Variants in WNT3 observed in about 807,000 individuals in gnomAD.
The protein encoded by WNT3 is Wnt family member 3.
WNT3 carries 7 observed loss-of-function variants against 34.2 expected under a neutral mutation model. That is an observed-to-expected ratio of 0.20 (90% CI 0.12 to 0.38). The LOEUF (loss-of-function observed/expected upper bound fraction) is 0.38. WNT3 is among the 10% of genes least tolerant of loss of function. The pLI, the probability that WNT3 is intolerant of heterozygous loss-of-function variation, is 1.00. For missense variants in WNT3, 267 were observed against 499.8 expected (o/e 0.53, Z 4.44); for synonymous variants, 212 against 211.5 (o/e 1.00, Z -0.02).
chr17:46,807,201 G>C, intron 1 of WNT3, among the ~76,000 whole-genome samples: 1 of 152,200 alleles, frequency 6.6e-6, no homozygotes, highest in East Asian at 1.9e-4. Flanking sequence ...ACAGAAAGAA[G>C]GCCGGGCCTG....
At chr17:46,774,731 A>G (rs1316666739) in intron 1 of WNT3, among the ~76,000 whole-genome samples, 1 of 152,222 alleles carries the variant, frequency 6.6e-6, no homozygotes, top group African/African-American at 2.4e-5. Context: ...AACAGAAAGA[A>G]TGACCTTATG....
intron 2 of WNT3, among the ~76,000 whole-genome samples, chr17:46,771,373 A>G (rs1008071964): frequency 6.6e-6 from 1 of 151,432 alleles, no homozygotes; most frequent in Non-Finnish European, 1.5e-5. Context: ...GCCTCGGGGA[A>G]GAGGGGCCGA....
intron 1 of WNT3, among the ~76,000 whole-genome samples, chr17:46,785,314 C>T (rs929815554): frequency 1.3e-5 from 2 of 152,174 alleles, no homozygotes; most frequent in African/African-American, 4.8e-5. Context: ...GGACCTGTCA[C>T]CCTGCATTGT....
intron 1 of WNT3, among the ~76,000 whole-genome samples, chr17:46,812,760 G>C (rs1302580064): frequency 6.6e-6 from 1 of 152,214 alleles, no homozygotes; most frequent in East Asian, 1.9e-4. Flanking sequence ...AAATCTGGGA[G>C]GGCTTCTTGG....
intron 1 of WNT3, among the ~76,000 whole-genome samples, chr17:46,800,261 C>T (rs1417046537): frequency 6.6e-6 from 1 of 152,172 alleles, no homozygotes; most frequent in Admixed American, 6.5e-5. Flanking sequence ...CAGCTGCCCA[C>T]CACCACACCC....
chr17:46,768,867 C>T lies in WNT3; in HGVS notation c.589-68G>A, dbSNP rs149935689. ...GAGGGGGCACATCCAGGCCTTCCCTCTCTGCCACTGCCCACCCCCTTCCCT... is the reference window on the plus strand; with the variant it reads ...GAGGGGGCACATCCAGGCCTTCCCTTTCTGCCACTGCCCACCCCCTTCCCT... On this transcript the variant is annotated intron_variant, in intron 3 of 4. Transcript: ENST00000225512. The surrounding 1 kb of genome is among the most constrained non-coding windows in gnomAD (Gnocchi z 5.0). The T allele has an allele frequency of 1.9e-3, 3,000 of 1,574,782 alleles. 41 individuals carry two copies. The Admixed American group carries it at 0.026, about 14-fold the overall frequency.
At chr17:46,807,563 A>G (rs2084213987) in intron 1 of WNT3, among the ~76,000 whole-genome samples, 1 of 152,224 alleles carries the variant, frequency 6.6e-6, no homozygotes, top group Middle Eastern at 3.4e-3. Flanking sequence ...GTCAGGACCA[A>G]CTCCCTCCCA....
At chr17:46,767,139 C>T (rs1253546121) in intron 4 of WNT3, among the ~76,000 whole-genome samples, 2 of 152,174 alleles carry the variant, frequency 1.3e-5, no homozygotes, top group African/African-American at 4.8e-5. Flanking sequence ...TCCAGGACCA[C>T]TCCTCATCCA....
In WNT3 at chr17:46,768,885, C is replaced by T; in HGVS notation, c.589-86G>A. The stretch of plus-strand genomic sequence containing the variant: ...CTTCCCTCTCTGCCACTGCCCACCC[C>T]CTTCCCTCCAGCCTTCTCTACTCCT... On this transcript the variant is annotated intron_variant, in intron 3 of 4. Transcript: ENST00000225512. The surrounding 1 kb of genome is among the most constrained non-coding windows in gnomAD (Gnocchi z 5.0). 1 of 1,550,790 alleles carries T rather than the reference C, an allele frequency of 6.4e-7. No homozygotes were observed. Among genetic ancestry groups the T allele is most frequent in the Non-Finnish European group, 8.7e-7 (1 of 1,151,560 alleles).
intron 1 of WNT3, among the ~76,000 whole-genome samples, chr17:46,809,086 G>T (rs1182778337): frequency 1.3e-5 from 2 of 152,168 alleles, no homozygotes; most frequent in Non-Finnish European, 2.9e-5. Context: ...GCAAAGAGGT[G>T]AGTATTCCAG....
chr17:46,816,115 A>ACACACACACACG (rs1555689260), intron 1 of WNT3, among the ~76,000 whole-genome samples: 3 of 26,342 alleles, frequency 1.1e-4, no homozygotes, highest in Admixed American at 5.0e-4. Context: ...GCGCACGTAC[A>ACACACACACACG]CACACACACA....
chr17:46,766,892 T>C (rs529429510), intron 4 of WNT3, among the ~76,000 whole-genome samples: 1 of 152,262 alleles, frequency 6.6e-6, no homozygotes, highest in Non-Finnish European at 1.5e-5. Flanking sequence ...AACCAAGCCC[T>C]GTCCTCGGTG....
intron 1 of WNT3, among the ~76,000 whole-genome samples, chr17:46,784,925 G>A (rs566968212): frequency 2.6e-4 from 40 of 152,024 alleles, no homozygotes; most frequent in Admixed American, 9.8e-4. Flanking sequence ...ACAGGCACCC[G>A]CCACCATGCC....
chr17:46,818,475 G>T, intron 1 of WNT3, 43 bp downstream of exon 1: 1 of 1,568,900 alleles, frequency 6.4e-7, no homozygotes, highest in Non-Finnish European at 8.6e-7. Context: ...CCCCGGACGC[G>T]GCGGAGAAAC....
intron 1 of WNT3, among the ~76,000 whole-genome samples, chr17:46,814,935 C>T (rs1243885237): frequency 6.6e-6 from 1 of 152,184 alleles, no homozygotes; most frequent in Non-Finnish European, 1.5e-5. Context: ...TGCTATTTCC[C>T]AGCTCACTGC....
intron 4 of WNT3, among the ~76,000 whole-genome samples, chr17:46,765,725 G>A (rs988192890): frequency 6.6e-6 from 1 of 152,242 alleles, no homozygotes; most frequent in Non-Finnish European, 1.5e-5. Flanking sequence ...GGCTCTGGGA[G>A]GTCAGCTCTG....
At chr17:46,783,204 C>T (rs2059476593) in intron 1 of WNT3, among the ~76,000 whole-genome samples, 1 of 152,088 alleles carries the variant, frequency 6.6e-6, no homozygotes, top group Admixed American at 6.6e-5. Flanking sequence ...GAGCTGGGAC[C>T]CAAGGTCTTG....
chr17:46,767,470 ACT>A (rs1363149420), intron 4 of WNT3, among the ~76,000 whole-genome samples: 2 of 152,180 alleles, frequency 1.3e-5, no homozygotes, highest in African/African-American at 4.8e-5. Flanking sequence ...ATGCACACTG[ACT>A]CTGCCTCAGG....
At chr17:46,776,393 C>T (rs1459975473) in intron 1 of WNT3, among the ~76,000 whole-genome samples, 3 of 152,230 alleles carry the variant, frequency 2.0e-5, no homozygotes, top group Admixed American at 6.5e-5. Flanking sequence ...TATTATGGGC[C>T]TATCATGTGC....
Sources: allele counts gnomAD v4.1 joint callset (sites outside exome capture counted in the v4.1 genomes callset), GRCh38; gene constraint gnomAD v4.1.1; non-coding constraint Gnocchi (gnomAD v3.1); transcripts MANE v1.5; gene names NCBI Gene and HGNC (gene_info 2026-07-23, HGNC 2026-07-21).